The following TMEM106C variants were observed in gnomAD, a reference collection of about 807,000 sequenced individuals.
The protein encoded by TMEM106C is transmembrane protein 106C.
In TMEM106C, 27 loss-of-function variants were observed where a neutral mutation model predicts 30.8. That is an observed-to-expected ratio of 0.88 (90% CI 0.65 to 1.21). The LOEUF is 1.21. TMEM106C is among the 50% of genes most tolerant of loss of function. The probability of loss-of-function intolerance (pLI) is 0.00; values close to 1 mark genes in which losing one functional copy is unlikely to be tolerated. For synonymous variants in TMEM106C, 123 were observed against 118.8 expected (o/e 1.04, Z -0.23); for missense variants, 288 against 307.8 (o/e 0.94, Z 0.48).
Position 47,964,477 on chromosome 12 carries a change from C to T in TMEM106C, c.187+54C>T, listed in dbSNP as rs759504630. On this transcript the variant is annotated intron_variant, in intron 2 of 7. Transcript: ENST00000429772. ...AGAATCCCAAGGTACCCTCGGAGTT[C>T]TCCTGTCTGCCCAGACAACTTTTCT... 482 of 1,574,276 alleles carry T rather than the reference C, an allele frequency of 3.1e-4. 1 individual carries two copies. The highest frequency in any genetic ancestry group is 4.0e-4 in the Non-Finnish European group (464 of 1,150,396).
intron 6 of TMEM106C, 135 bp downstream of exon 6, chr12:47,966,867 G>C: frequency 3.5e-6 from 3 of 850,642 alleles, no homozygotes; most frequent in East Asian, 4.9e-5. Flanking sequence ...TGGATGTCTT[G>C]AGATTTATTT....
intron 5 of TMEM106C, 141 bp downstream of exon 5, chr12:47,966,370 C>A: frequency 2.1e-6 from 2 of 949,364 alleles, no homozygotes; most frequent in Non-Finnish European, 1.5e-6. Context: ...ACCTGTTGGG[C>A]CCTGTAATTA....
Position 47,964,430 on chromosome 12 carries a change from A to C in TMEM106C, c.187+7A>C, listed in dbSNP as rs1938153607. On this transcript the variant is annotated splice_region_variant and intron_variant, in intron 2 of 7. Coordinates refer to ENST00000429772, the MANE Select transcript of TMEM106C (RefSeq NM_001143842.2). ...ACAGGCTACATTCCAACAGGTGATC[A>C]TGGAGGGATGATTCCCTGATGAGAA... 6.2e-7 allele frequency: 1 copy of C among 1,613,494 alleles called. No homozygotes were observed. The highest frequency in any genetic ancestry group is 1.3e-5 in the African/African-American group (1 of 75,054).
intron 2 of TMEM106C, 89 bp downstream of exon 2, chr12:47,964,512 T>A: frequency 8.2e-7 from 1 of 1,226,412 alleles, no homozygotes; most frequent in Non-Finnish European, 1.2e-6. Flanking sequence ...TTCTAGGCAG[T>A]AATACCATAA....
chr12:47,967,770 G>T (rs951101793), intron 7 of TMEM106C, among the ~76,000 whole-genome samples: 6 of 152,124 alleles, frequency 3.9e-5, no homozygotes, highest in African/African-American at 1.4e-4. Flanking sequence ...TTTGTTGTAG[G>T]GGGCTGTTCT....
Position 47,967,264 on chromosome 12 carries a change from G to C in TMEM106C, c.656+3G>C, listed in dbSNP as rs201552415. The C allele has an allele frequency of 6.2e-6, 10 of 1,614,134 alleles. No homozygotes were observed. In the East Asian group the frequency reaches 2.0e-4, roughly 32 times the overall value. ...CACAACATAGTGATCTTCATGCGGT[G>C]CGTCTCTCTTCCCTATCCCGATGGC... On this transcript the variant is annotated splice_donor_region_variant and intron_variant, in intron 7 of 7. Coordinates refer to ENST00000429772, the MANE Select transcript of TMEM106C (RefSeq NM_001143842.2).
Position 47,966,260 on chromosome 12 carries a change from C to A in TMEM106C, c.552+31C>A, listed in dbSNP as rs1484984811. The A allele has an allele frequency of 5.0e-6, 8 of 1,612,292 alleles. No individual in the cohort carries two copies. In the South Asian group the frequency reaches 7.7e-5, roughly 16 times the overall value. On this transcript the variant is annotated intron_variant, in intron 5 of 7. Coordinates refer to ENST00000429772, the MANE Select transcript of TMEM106C (RefSeq NM_001143842.2). ...CTGTTCTTTTAGGAATCTTGCCCCA[C>A]AGGCCTAAGAGAAGAGTAGGGGGCT...
chr12:47,967,708 G>T (rs1053709819), intron 7 of TMEM106C, among the ~76,000 whole-genome samples: 4 of 152,096 alleles, frequency 2.6e-5, no homozygotes, highest in Admixed American at 2.6e-4. Flanking sequence ...AAATATGAGG[G>T]GTTAGAGCAG....
At chr12:47,965,109 A>G (rs1226405300) in intron 2 of TMEM106C, among the ~76,000 whole-genome samples, 173 bp from the exon 3 acceptor site, 1 of 152,184 alleles carries the variant, frequency 6.6e-6, no homozygotes, top group Non-Finnish European at 1.5e-5. Context: ...ATGTTTTATA[A>G]TTTGTGGCAC....
Position 47,964,233 on chromosome 12 carries a change from G to T in TMEM106C, c.-4G>T, listed in dbSNP as rs1174368212. On this transcript the variant is annotated 5_prime_UTR_variant, in exon 2 of 8. Transcript: ENST00000429772. Reference sequence around the variant, plus strand: ...GGACATGACACCAGTGGCATATCACGGCCATGGGGTCTCAGCATTCCGCTG... The same window carrying T: ...GGACATGACACCAGTGGCATATCACTGCCATGGGGTCTCAGCATTCCGCTG... 6.2e-7 allele frequency: 1 copy of T among 1,611,788 alleles called. No homozygotes were observed. Among genetic ancestry groups the T allele is most frequent in the East Asian group, 2.2e-5 (1 of 44,862 alleles).
rs148746124 is a variant in TMEM106C, at chr12:47,968,243, T to C, written c.*14T>C. On this transcript the variant is annotated 3_prime_UTR_variant, in exon 8 of 8. Coordinates refer to ENST00000429772, the MANE Select transcript of TMEM106C (RefSeq NM_001143842.2). Reference sequence around the variant, plus strand: ...ACAGCTATTTAACAACTGCTATTGGTTCTTCCACACAGCGCCTGTAGAAGA... The same window carrying C: ...ACAGCTATTTAACAACTGCTATTGGCTCTTCCACACAGCGCCTGTAGAAGA... The C allele has an allele frequency of 1.6e-4, 260 of 1,590,674 alleles. 1 individual carries two copies. The African/African-American group carries it at 2.7e-3, about 17-fold the overall frequency.
At chr12:47,964,519 A>G (rs992908625) in intron 2 of TMEM106C, 96 bp downstream of exon 2, 15 of 1,174,234 alleles carry the variant, frequency 1.3e-5, no homozygotes, top group African/African-American at 1.2e-4. Flanking sequence ...CAGTAATACC[A>G]TAATAGAGAC....
intron 7 of TMEM106C, 131 bp downstream of exon 7, chr12:47,967,392 A>G: frequency 1.2e-6 from 1 of 836,378 alleles, no homozygotes; most frequent in Non-Finnish European, 2.0e-6. Flanking sequence ...TCACAGGCAC[A>G]GATACAGTAG....
At chr12:47,966,499 G>C in intron 5 of TMEM106C, 184 bp from the exon 6 acceptor site, 1 of 711,620 alleles carries the variant, frequency 1.4e-6, no homozygotes, top group South Asian at 1.9e-5. Flanking sequence ...AGGTCCATTG[G>C]CCTCTCAAAA....
chr12:47,966,233 T>G lies in TMEM106C; in HGVS notation c.552+4T>G. On this transcript the variant is annotated splice_donor_region_variant and intron_variant, in intron 5 of 7. Coordinates refer to ENST00000429772, the MANE Select transcript of TMEM106C (RefSeq NM_001143842.2). ...TCCACCTCGGAGTGAGCAACTGGTA[T>G]GCTGTTCTTTTAGGAATCTTGCCCC... 6.2e-7 allele frequency: 1 copy of G among 1,613,740 alleles called. No individual in the cohort carries two copies. Among genetic ancestry groups the G allele is most frequent in the Non-Finnish European group, 8.5e-7 (1 of 1,179,832 alleles).
chr12:47,966,697 G>A lies in TMEM106C; in HGVS notation c.567G>A (p.Gly189=). The A allele has an allele frequency of 6.2e-7, 1 of 1,614,140 alleles. No homozygotes were observed. Among genetic ancestry groups the A allele is most frequent in the Non-Finnish European group, 8.5e-7 (1 of 1,180,026 alleles). The change falls in exon 6 of 8, where the codon GGG becomes GGA. Residue 189 remains glycine (G), a synonymous_variant. Coordinates refer to ENST00000429772, the MANE Select transcript of TMEM106C (RefSeq NM_001143842.2). ...PRSEQLVNFT[G]KAEMGGPFSY... is the part of the protein sequence containing the mutation. ...CTTATTTTCAGGTGAATTTTACCGGGAAGGCCGAGATGGGAGGACCGTTTT... is the reference window on the plus strand; with the variant it reads ...CTTATTTTCAGGTGAATTTTACCGGAAAGGCCGAGATGGGAGGACCGTTTT...
Position 47,965,342 on chromosome 12 carries a change from G to A in TMEM106C, c.248G>A (p.Arg83Gln), listed in dbSNP as rs554394924. ...PHSDQRLRPQ[R>Q]TKQYVLLSIL... ...AGTGATCAGAGATTGCGCCCTCAGCGAACGTGAGTTACCTGCTTCTCACCT... is the reference window on the plus strand; with the variant it reads ...AGTGATCAGAGATTGCGCCCTCAGCAAACGTGAGTTACCTGCTTCTCACCT... The change falls in exon 3 of 8, where the codon CGA (arginine) becomes CAA (glutamine). Residue 83 changes from arginine (R) to glutamine (Q), a missense_variant. Physicochemically the swap from Arg to Gln is conservative, Grantham distance 43. Transcript: ENST00000429772. 1.9e-5 allele frequency: 31 copies of A among 1,613,874 alleles called. No homozygotes were observed. The highest frequency in any genetic ancestry group is 7.7e-5 in the South Asian group (7 of 91,056).
At chr12:47,964,857 A>G in intron 2 of TMEM106C, 1 of 272,904 alleles carries the variant, frequency 3.7e-6, no homozygotes, top group South Asian at 4.7e-5. Context: ...GCCTTGGTAC[A>G]GGATCATCTA....
Position 47,968,233 on chromosome 12 carries a change from C to G in TMEM106C, c.*4C>G, listed in dbSNP as rs1565659831. On this transcript the variant is annotated 3_prime_UTR_variant, in exon 8 of 8. Transcript: ENST00000429772. ...AGGAAATTCCACAGCTATTTAACAA[C>G]TGCTATTGGTTCTTCCACACAGCGC... is the stretch of plus-strand genomic sequence containing the variant. 3 of 1,606,916 alleles carry G rather than the reference C, an allele frequency of 1.9e-6. No individual in the cohort carries two copies. Among genetic ancestry groups the G allele is most frequent in the Non-Finnish European group, 2.6e-6 (3 of 1,173,722 alleles).
Sources: allele counts gnomAD v4.1 joint callset (sites outside exome capture counted in the v4.1 genomes callset), GRCh38; gene constraint gnomAD v4.1.1; transcripts MANE v1.5; gene names NCBI Gene and HGNC (gene_info 2026-07-23, HGNC 2026-07-21).